The following ARMCX4 variants were observed in gnomAD, a reference collection of about 807,000 sequenced individuals.
ARMCX4 encodes armadillo repeat-containing X-linked protein 4.
Under a neutral mutation model 34.7 loss-of-function variants are expected in ARMCX4, and 3 were observed. The ratio of observed to expected loss-of-function variants is 0.09; its 90% CI spans 0.04 to 0.22. The LOEUF is 0.22. Ranked by LOEUF, ARMCX4 falls within the 10% of genes least tolerant of loss-of-function variation. ARMCX4 has a pLI of 1.00. For synonymous variants in ARMCX4, 513 were observed against 632.8 expected (o/e 0.81, Z 2.84); for missense variants, 1,448 against 1,720.8 (o/e 0.84, Z 2.81).
At chrX:101,463,022 G>T (rs1237142453) in intron 4 of ARMCX4, among the ~76,000 whole-genome samples, 1 of 111,387 alleles carries the variant, frequency 9.0e-6, no homozygotes, top group African/African-American at 3.3e-5. Context: ...TCCTTCCCTT[G>T]CAAAGCCCTC....
intron 4 of ARMCX4, among the ~76,000 whole-genome samples, chrX:101,466,559 A>C (rs1041621531): frequency 4.4e-5 from 5 of 112,573 alleles, no homozygotes; most frequent in Non-Finnish European, 9.4e-5. Context: ...AGGACCAAGC[A>C]ATTAATACAA....
chrX:101,454,453 A>ATT (rs368101420), intron 4 of ARMCX4, among the ~76,000 whole-genome samples: 2 of 88,805 alleles, frequency 2.3e-5, no homozygotes, highest in Non-Finnish European at 2.3e-5. Context: ...TTGTTTTTGT[A>ATT]TTTTTTTTTT....
rs376902940 is a variant in ARMCX4 at position 101,494,589 on chromosome X, G to T, written c.6000G>T (p.Lys2000Asn). The T allele has an allele frequency of 1.1e-4, 122 of 1,153,696 alleles. 1 individual carries two copies. In the East Asian group the frequency reaches 3.4e-3, roughly 32 times the overall value. Residue 2000 changes from lysine (K) to asparagine (N), a missense_variant, in exon 6 of 6, where the codon AAG becomes AAT. Lys to Asn is a moderately conservative substitution (Grantham distance 94). This residue lies in a region of ARMCX4 where 1,343 missense variants were observed against 1,540.7 expected (regional missense o/e 0.87). Coordinates refer to ENST00000423738, the MANE Select transcript of ARMCX4 (RefSeq NM_001256155.3). The part of the protein sequence containing the change: ...WDGAMIWSET[K>N]FAHQSEASFP... ...GAGCCATGATCTGGTCGGAAACTAA[G>T]TTTGCACACCAAAGTGAGGCCAGCT...
chrX:101,512,789 T>C (rs1488733320), intron 11 of ARMCX4, among the ~76,000 whole-genome samples: 4 of 99,795 alleles, frequency 4.0e-5, no homozygotes, highest in African/African-American at 7.9e-5. Context: ...TATATACACA[T>C]ATATATACAT....
chrX:101,497,164 A>G (rs782647897), downstream of ARMCX4, among the ~76,000 whole-genome samples: 5 of 112,051 alleles, frequency 4.5e-5, no homozygotes, highest in Non-Finnish European at 9.4e-5. Context: ...ATCTTGCTAC[A>G]TACTCTGAGA....
chrX:101,468,077 G>A (rs189294846), intron 4 of ARMCX4, among the ~76,000 whole-genome samples: 1 of 110,524 alleles, frequency 9.0e-6, no homozygotes, highest in Admixed American at 9.6e-5. Flanking sequence ...GCATATATGG[G>A]TAAAGTATAT....
chrX:101,445,194 A>G (rs1555997732), intron 3 of ARMCX4, among the ~76,000 whole-genome samples: 1 of 112,343 alleles, frequency 8.9e-6, no homozygotes, highest in Non-Finnish European at 1.9e-5. Context: ...TGGCATTCTC[A>G]TGCCAAAGTA....
At chrX:101,444,016 A>G in intron 2 of ARMCX4, 1 of 379,429 alleles carries the variant, frequency 2.6e-6, no homozygotes, top group South Asian at 2.6e-5. Flanking sequence ...ATTCTGTGAA[A>G]GCAGGAACCC....
downstream of ARMCX4, among the ~76,000 whole-genome samples, chrX:101,448,266 C>T (rs1555998407): frequency 8.9e-6 from 1 of 111,991 alleles, no homozygotes; most frequent in East Asian, 2.8e-4. Flanking sequence ...AGGTTGCTTC[C>T]AAATCTTAGC....
intron 2 of ARMCX4, among the ~76,000 whole-genome samples, chrX:101,419,850 G>A (rs940609830): frequency 9.0e-6 from 1 of 111,481 alleles, no homozygotes; most frequent in Non-Finnish European, 1.9e-5. Context: ...CCCTCACTCT[G>A]CTGCTTGACT....
At chrX:101,482,890 C>CTTTTTTT (rs36075508), upstream of ARMCX4, among the ~76,000 whole-genome samples, 10 of 54,727 alleles carry the variant, frequency 1.8e-4, no homozygotes, top group Admixed American at 2.7e-4. Context: ...TTGCGTCAGG[C>CTTTTTTT]TTTTTTTTTT....
chrX:101,425,303 G>C (rs1929532138), intron 2 of ARMCX4, among the ~76,000 whole-genome samples: 1 of 111,628 alleles, frequency 9.0e-6, no homozygotes, highest in Non-Finnish European at 1.9e-5. Flanking sequence ...GGAGGCATTG[G>C]TGTCCTGGAT....
Position 101,444,761 on chromosome X carries a change from A to G in ARMCX4, n.268+606A>G, listed in dbSNP as rs1471840712. Among the ~76,000 whole-genome samples the G allele has an allele frequency of 3.6e-5, 4 of 112,317 alleles. No individual in the cohort carries two copies. In the East Asian group the frequency reaches 8.3e-4, roughly 23 times the overall value. ...TACGCTGTGATGATTTGATATATGTATACAGTGTGAAATATTTACCAGAAT... is the reference window on the plus strand; with the variant it reads ...TACGCTGTGATGATTTGATATATGTGTACAGTGTGAAATATTTACCAGAAT... On this transcript the variant is annotated intron_variant and non_coding_transcript_variant, in intron 3 of 3. Coordinates refer to the ARMCX4 transcript ENST00000430461.
At chrX:101,452,867 T>TATTATTA (rs1555999344), downstream of ARMCX4, among the ~76,000 whole-genome samples, 4 of 102,153 alleles carry the variant, frequency 3.9e-5, no homozygotes, top group Non-Finnish European at 7.9e-5. Flanking sequence ...GGCTGTTTGT[T>TATTATTA]TTATTATTAT....
chrX:101,500,763 GT>G (rs1379768979), downstream of ARMCX4, among the ~76,000 whole-genome samples: 1 of 112,161 alleles, frequency 8.9e-6, no homozygotes, highest in Non-Finnish European at 1.9e-5. Context: ...TGCATACACA[GT>G]TTTTCCTCAG....
chrX:101,461,459 C>T (rs1003399396), intron 4 of ARMCX4, among the ~76,000 whole-genome samples: 18 of 112,137 alleles, frequency 1.6e-4, no homozygotes, highest in African/African-American at 5.8e-4. Flanking sequence ...TCCATTCATC[C>T]ATTCGTGGAC....
Position 101,492,170 on chromosome X carries a change from G to A in ARMCX4, c.3581G>A (p.Gly1194Glu). The change falls in exon 6 of 6, where the codon GGG becomes GAG. Residue 1194 changes from glycine to glutamate, a missense_variant. Around this residue, in one of 2 missense-constraint regions of ARMCX4, gnomAD observed 1,343 missense variants for 1,540.7 expected, o/e 0.87. Coordinates refer to ENST00000423738, the MANE Select transcript of ARMCX4 (RefSeq NM_001256155.3). ...GEQASGGLWA[G>E]GQTSEGTWAG... ...CAGGCCAGTGGAGGGCTCTGGGCTG[G>A]GGGTCAGACTAGTGAGGGGACCTGG... The A allele has an allele frequency of 8.7e-7, 1 of 1,151,886 alleles. No individual in the cohort carries two copies. Among genetic ancestry groups the A allele is most frequent in the Non-Finnish European group, 1.1e-6 (1 of 870,954 alleles). The allele number at this position is 1,151,886 out of a possible 1,213,427, so 94.9% of individuals were successfully genotyped here.
chrX:101,446,447 C>CTAG (rs1555998075), downstream of ARMCX4, among the ~76,000 whole-genome samples: 1 of 111,903 alleles, frequency 8.9e-6, no homozygotes, highest in African/African-American at 3.3e-5. Flanking sequence ...ATTGCTTCCA[C>CTAG]TAGTATCTGT....
At chrX:101,426,827 A>G (rs1243584593) in intron 2 of ARMCX4, among the ~76,000 whole-genome samples, 3 of 111,880 alleles carry the variant, frequency 2.7e-5, no homozygotes, top group Non-Finnish European at 5.6e-5. Flanking sequence ...TCCAAAGCCC[A>G]TGATCTTAAC....
Sources: allele counts gnomAD v4.1 joint callset (sites outside exome capture counted in the v4.1 genomes callset), GRCh38; gene constraint gnomAD v4.1.1; regional missense constraint gnomAD v4.1.1; transcripts MANE v1.5; gene names NCBI Gene and HGNC (gene_info 2026-07-23, HGNC 2026-07-21).